Variants in NWD2 observed in about 807,000 individuals in gnomAD.
The protein encoded by NWD2 is NACHT and WD repeat domain containing 2, also known as NACHT and WD repeat domain-containing protein 2.
In NWD2, 37 loss-of-function variants were observed where a neutral mutation model predicts 132.7. The observed-to-expected ratio is 0.28, with a 90% confidence interval of 0.21 to 0.37. NWD2 has a LOEUF of 0.37. NWD2 is among the 10% of genes least tolerant of loss of function. The pLI is 1.00. For missense variants in NWD2, 1,592 were observed against 2,122.4 expected (o/e 0.75, Z 4.91); for synonymous variants, 705 against 803.0 (o/e 0.88, Z 2.06).
At chr4:37,262,196 G>A (rs1244376429) in intron 1 of NWD2, among the ~76,000 whole-genome samples, 5 of 152,170 alleles carry the variant, frequency 3.3e-5, no homozygotes, top group Non-Finnish European at 5.9e-5. Flanking sequence ...GAGCCAGCAT[G>A]TTATCTCATT....
chr4:37,409,943 C>G (rs995425094), intron 3 of NWD2, among the ~76,000 whole-genome samples: 1 of 152,110 alleles, frequency 6.6e-6, no homozygotes, highest in Non-Finnish European at 1.5e-5. Flanking sequence ...ATCCTTTACA[C>G]ACAAGCAAAT....
intron 1 of NWD2, among the ~76,000 whole-genome samples, chr4:37,259,823 G>A (rs1293920562): frequency 6.6e-6 from 1 of 152,194 alleles, no homozygotes; most frequent in Non-Finnish European, 1.5e-5. Context: ...GCAGAGAGTG[G>A]GAGGAGAAGG....
At chr4:37,336,782 T>TA (rs1336477780) in intron 2 of NWD2, among the ~76,000 whole-genome samples, 3 of 151,122 alleles carry the variant, frequency 2.0e-5, no homozygotes, top group African/African-American at 7.3e-5. Flanking sequence ...CTACTAAAAA[T>TA]AAAAAAATTA....
intron 6 of NWD2, among the ~76,000 whole-genome samples, chr4:37,440,077 G>A (rs1712440588): frequency 6.6e-6 from 1 of 152,094 alleles, no homozygotes; most frequent in Admixed American, 6.5e-5. Context: ...GCCTTTTCAT[G>A]GCTTCCTGGA....
intron 1 of NWD2, among the ~76,000 whole-genome samples, chr4:37,320,730 A>C (rs1173680326): frequency 1.3e-5 from 2 of 152,200 alleles, no homozygotes; most frequent in Non-Finnish European, 2.9e-5. Context: ...ATTAACTAAG[A>C]GGCTAGGAAA....
At chr4:37,349,256 A>T (rs1220333154) in intron 2 of NWD2, among the ~76,000 whole-genome samples, 1 of 152,188 alleles carries the variant, frequency 6.6e-6, no homozygotes, top group Admixed American at 6.5e-5. Flanking sequence ...AGGAATCGCC[A>T]CACTGTCTTC....
intron 1 of NWD2, among the ~76,000 whole-genome samples, chr4:37,266,442 A>G (rs1332148409): frequency 6.6e-6 from 1 of 152,054 alleles, no homozygotes; most frequent in Non-Finnish European, 1.5e-5. Context: ...AGGTTACTTC[A>G]AGCTTACAGT....
At chr4:37,424,032 G>T (rs1230578204) in intron 3 of NWD2, among the ~76,000 whole-genome samples, 1 of 152,166 alleles carries the variant, frequency 6.6e-6, no homozygotes, top group Non-Finnish European at 1.5e-5. Flanking sequence ...TCACTCCACA[G>T]TAGAGTTCTT....
intron 3 of NWD2, among the ~76,000 whole-genome samples, chr4:37,365,053 G>T (rs562183668): frequency 2.1e-4 from 32 of 152,242 alleles, no homozygotes; most frequent in African/African-American, 7.7e-4. Flanking sequence ...TAGCATATAG[G>T]TCAGTTCCTT....
At chr4:37,308,717 C>G (rs1718766350) in intron 1 of NWD2, among the ~76,000 whole-genome samples, 1 of 152,136 alleles carries the variant, frequency 6.6e-6, no homozygotes, top group African/African-American at 2.4e-5. Flanking sequence ...GGCAGCAATT[C>G]TCAGGTGAGC....
In NWD2 at chr4:37,264,013, G is replaced by T. The variant is rs144218588; in HGVS notation, c.151+18795G>T. 3.3e-4 allele frequency among the ~76,000 whole-genome samples: 51 copies of T among 152,266 alleles called. No homozygotes were observed. The East Asian group carries it at 8.3e-3, about 25-fold the overall frequency. ...ATAGTATGTGATGCCTGTTAAGTTA[G>T]AGATTTCTGAGAGGGACAACAAGGT... On this transcript the variant is annotated intron_variant, in intron 1 of 6. Coordinates refer to ENST00000309447, the MANE Select transcript of NWD2 (RefSeq NM_001144990.2).
intron 1 of NWD2, among the ~76,000 whole-genome samples, chr4:37,304,301 A>G (rs1170370291): frequency 6.6e-6 from 1 of 152,160 alleles, no homozygotes; most frequent in Non-Finnish European, 1.5e-5. Context: ...CTCCTCCAAT[A>G]CTAGCAATTA....
intron 5 of NWD2, among the ~76,000 whole-genome samples, chr4:37,435,080 G>A (rs994603675): frequency 2.6e-5 from 4 of 152,110 alleles, no homozygotes; most frequent in African/African-American, 9.7e-5. Context: ...TCTCAGCCAT[G>A]GAAAGGAAGC....
In NWD2 at chr4:37,273,115, T is replaced by C. The variant is rs370458455; in HGVS notation, c.151+27897T>C. Among the ~76,000 whole-genome samples, 4 of 151,886 alleles carry C rather than the reference T, an allele frequency of 2.6e-5. No individual in the cohort carries two copies. The East Asian group carries it at 7.7e-4, about 29-fold the overall frequency. ...TAGCAGCAAATTCTCTCAGTATTTA[T>C]CTGTAGAATTTTGCTGTTATTGTTT... On this transcript the variant is annotated intron_variant, in intron 1 of 6. Transcript: ENST00000309447.
intron 1 of NWD2, among the ~76,000 whole-genome samples, chr4:37,317,850 C>A (rs1339268139): frequency 6.6e-6 from 1 of 152,138 alleles, no homozygotes; most frequent in Non-Finnish European, 1.5e-5. Context: ...TCAACTATTA[C>A]TTGAAAGTGA....
intron 3 of NWD2, among the ~76,000 whole-genome samples, chr4:37,402,190 T>C (rs1720909040): frequency 1.3e-5 from 2 of 152,210 alleles, no homozygotes. Context: ...GAGGAGATGT[T>C]GCTGTCACGT....
intron 1 of NWD2, among the ~76,000 whole-genome samples, chr4:37,286,208 A>T (rs1718227551): frequency 6.6e-6 from 1 of 152,222 alleles, no homozygotes; most frequent in Non-Finnish European, 1.5e-5. Context: ...CGGTGTTTTA[A>T]CTAGGATCAG....
At chr4:37,300,324 A>C (rs1346494380) in intron 1 of NWD2, among the ~76,000 whole-genome samples, 1 of 152,196 alleles carries the variant, frequency 6.6e-6, no homozygotes, top group African/African-American at 2.4e-5. Context: ...CAATCAATAA[A>C]TTTTAACGTG....
intron 3 of NWD2, among the ~76,000 whole-genome samples, chr4:37,401,666 A>C (rs1020230645): frequency 1.5e-4 from 23 of 152,326 alleles, no homozygotes; most frequent in Non-Finnish European, 2.1e-4. Context: ...GAATTAGAAA[A>C]AAAATTTAAT....
Sources: gnomAD v4.1 joint callset for allele counts (sites outside exome capture counted in the v4.1 genomes callset) on GRCh38, gnomAD v4.1.1 for gene constraint, MANE v1.5 for transcripts, NCBI Gene and HGNC (gene_info 2026-07-23, HGNC 2026-07-21) for gene names.